The following TNFSF13B variants were observed in gnomAD, a reference collection of about 807,000 sequenced individuals.
The protein encoded by TNFSF13B is TNF superfamily member 13b.
A neutral mutation model predicts 29.1 loss-of-function variants in TNFSF13B; 8 were observed. The ratio of observed to expected loss-of-function variants is 0.27; its 90% CI spans 0.16 to 0.50. The LOEUF (loss-of-function observed/expected upper bound fraction) is 0.50, where lower values mean the gene tolerates loss of function less well. Among genes scored for constraint, TNFSF13B ranks in the 20% least tolerant of loss-of-function variants. The pLI, the probability that TNFSF13B is intolerant of heterozygous loss-of-function variation, is 0.98. For missense variants in TNFSF13B, 248 were observed against 334.9 expected, an observed-to-expected ratio of 0.74 and a Z score of 2.03; for synonymous variants, 125 against 130.8, an observed-to-expected ratio of 0.96 and a Z score of 0.30.
intron 2 of TNFSF13B, among the ~76,000 whole-genome samples, chr13:108,279,031 G>C (rs1183385899): frequency 2.0e-5 from 3 of 152,122 alleles, no homozygotes; most frequent in African/African-American, 7.2e-5. Context: ...TATTATGAGA[G>C]AGTCCACAAT....
rs1266847830 is a variant in TNFSF13B, at chr13:108,307,843, T to C, written c.*905T>C. The C allele has an allele frequency of 6.6e-6, 1 of 152,098 alleles. No individual in the cohort carries two copies. Among genetic ancestry groups the C allele is most frequent in the Non-Finnish European group, 1.5e-5 (1 of 67,964 alleles). 9.4% of individuals were successfully genotyped at this position (152,098 alleles called of 1,614,324 possible). A position where few individuals can be genotyped will look rare whatever the true frequency, so the allele number is the denominator to read the frequency against. ...CTTCTGTTTCAAACTGCTGCTATTG[T>C]AGTTTACATATCCCAACCTTTAAAA... On this transcript the variant is annotated 3_prime_UTR_variant, in exon 6 of 6. Transcript: ENST00000375887.
chr13:108,271,769 C>G (rs1880624110), intron 2 of TNFSF13B, among the ~76,000 whole-genome samples: 2 of 151,840 alleles, frequency 1.3e-5, no homozygotes, highest in African/African-American at 4.8e-5. Flanking sequence ...TTTGTTTTGA[C>G]TTATACAATA....
intron 3 of TNFSF13B, among the ~76,000 whole-genome samples, chr13:108,299,305 G>A (rs1039588309): frequency 1.4e-5 from 2 of 145,160 alleles, no homozygotes; most frequent in African/African-American, 2.6e-5. Context: ...CCGCTGAGTA[G>A]TTCATAATTT....
chr13:108,282,020 G>A (rs532876131), intron 2 of TNFSF13B, among the ~76,000 whole-genome samples: 1 of 152,100 alleles, frequency 6.6e-6, no homozygotes, highest in East Asian at 1.9e-4. Context: ...TTTACCAAAT[G>A]ATAAGTTTTG....
chr13:108,274,102 A>G (rs1202053703), intron 2 of TNFSF13B, among the ~76,000 whole-genome samples: 1 of 152,132 alleles, frequency 6.6e-6, no homozygotes, highest in Non-Finnish European at 1.5e-5. Flanking sequence ...ACTACATAAT[A>G]CATATAATTT....
In TNFSF13B at chr13:108,269,979, T is replaced by G. The variant is rs1309582279; in HGVS notation, c.84T>G (p.Val28=). 6.2e-7 allele frequency: 1 copy of G among 1,613,552 alleles called. No individual in the cohort carries two copies. Among genetic ancestry groups the G allele is most frequent in the Non-Finnish European group, 8.5e-7 (1 of 1,180,028 alleles). ...AAGAAATGAAACTGAAGGAGTGTGTTTCCATCCTCCCACGGAAGGAAAGCC... is the reference window on the plus strand; with the variant it reads ...AAGAAATGAAACTGAAGGAGTGTGTGTCCATCCTCCCACGGAAGGAAAGCC... ...KREEMKLKEC[V]SILPRKESPS... Residue 28 remains valine, a synonymous_variant, in exon 1 of 6, where the codon GTT becomes GTG. Transcript: ENST00000375887.
At chr13:108,273,443 T>C (rs1446771922) in intron 2 of TNFSF13B, among the ~76,000 whole-genome samples, 1 of 152,138 alleles carries the variant, frequency 6.6e-6, no homozygotes, top group Non-Finnish European at 1.5e-5. Context: ...TCAAAACATA[T>C]GCATACAAAC....
chr13:108,274,370 TA>T (rs1880705965), intron 2 of TNFSF13B, among the ~76,000 whole-genome samples: 1 of 137,528 alleles, frequency 7.3e-6, no homozygotes. Flanking sequence ...CATACAAATA[TA>T]TATATATATA....
chr13:108,295,783 A>G lies in TNFSF13B; in HGVS notation c.482-7470A>G, dbSNP rs572682201. Among the ~76,000 whole-genome samples, 4 of 145,624 alleles carry G rather than the reference A, an allele frequency of 2.7e-5. No homozygotes were observed. In the East Asian group the frequency reaches 7.8e-4, roughly 28 times the overall value. On this transcript the variant is annotated intron_variant, in intron 3 of 5. Coordinates refer to ENST00000375887, the MANE Select transcript of TNFSF13B (RefSeq NM_006573.5). ...TTCTATTTTCTTCTAGGATTTATTT[A>G]TAGATCAATTTGTTGTTTAAGAATT... is the stretch of plus-strand genomic sequence containing the variant.
intron 3 of TNFSF13B, among the ~76,000 whole-genome samples, chr13:108,299,454 G>A (rs1881550092): frequency 9.2e-6 from 1 of 109,228 alleles, no homozygotes; most frequent in Non-Finnish European, 2.1e-5. Flanking sequence ...GACTGCAGTT[G>A]TTCACTTGTT....
intron 2 of TNFSF13B, among the ~76,000 whole-genome samples, chr13:108,271,488 ACG>A: frequency 1.4e-5 from 2 of 140,198 alleles, no homozygotes; most frequent in African/African-American, 2.6e-5. Context: ...ACACACACAC[ACG>A]CATGAGGTAC....
At chr13:108,274,944 T>C (rs2139041885) in intron 2 of TNFSF13B, among the ~76,000 whole-genome samples, 1 of 152,280 alleles carries the variant, frequency 6.6e-6, no homozygotes, top group African/African-American at 2.4e-5. Context: ...TAAACAGTGG[T>C]TTTACTTAAT....
At chr13:108,302,569 G>GTCTTCTCTC (rs1021798244) in intron 3 of TNFSF13B, among the ~76,000 whole-genome samples, 1 of 152,112 alleles carries the variant, frequency 6.6e-6, no homozygotes, top group African/African-American at 2.4e-5. Context: ...GATGGCTACT[G>GTCTTCTCTC]TCTTCTCTCT....
At position 108,270,380 on chromosome 13, in the gene TNFSF13B, A is replaced by C. The variant is rs752633868; in HGVS notation, c.380A>C (p.Gln127Pro). 1 of 1,614,156 alleles carries C rather than the reference A, an allele frequency of 6.2e-7. No individual in the cohort carries two copies. The highest frequency in any genetic ancestry group is 8.5e-7 in the Non-Finnish European group (1 of 1,179,984). Residue 127 changes from glutamine to proline, a missense_variant, in exon 2 of 6, where the codon CAG becomes CCG. Coordinates refer to ENST00000375887, the MANE Select transcript of TNFSF13B (RefSeq NM_006573.5). ...GCTCCAGGAGAAGGCAACTCCAGTC[A>C]GAACAGCAGAAATAAGCGTGCCGTT... ...PPAPGEGNSS[Q>P]NSRNKRAVQG...
At chr13:108,299,925 G>A (rs1239336302) in intron 3 of TNFSF13B, among the ~76,000 whole-genome samples, 1 of 152,064 alleles carries the variant, frequency 6.6e-6, no homozygotes, top group Non-Finnish European at 1.5e-5. Flanking sequence ...GACCTACTAA[G>A]TATTTGTTTT....
chr13:108,305,882 G>A (rs1881761902), intron 5 of TNFSF13B, among the ~76,000 whole-genome samples: 1 of 152,096 alleles, frequency 6.6e-6, no homozygotes, highest in Admixed American at 6.6e-5. Flanking sequence ...GGTTAGAATA[G>A]ACATGAACAT....
At chr13:108,297,405 T>G (rs1303719212) in intron 3 of TNFSF13B, among the ~76,000 whole-genome samples, 1 of 145,756 alleles carries the variant, frequency 6.9e-6, no homozygotes, top group Non-Finnish European at 1.5e-5. Context: ...AGCTTGATTT[T>G]AAGAAGTCTT....
At chr13:108,270,305 G>C (rs1280052110) in intron 1 of TNFSF13B, 35 bp from the exon 2 acceptor site, 3 of 1,613,836 alleles carry the variant, frequency 1.9e-6, no homozygotes, top group Non-Finnish European at 2.5e-6. Flanking sequence ...CGCCTCAGCT[G>C]TCTTTCTAAT....
chr13:108,289,844 G>A (rs1881256819), intron 3 of TNFSF13B, among the ~76,000 whole-genome samples: 1 of 151,890 alleles, frequency 6.6e-6, no homozygotes, highest in Non-Finnish European at 1.5e-5. Context: ...CTTCACAAAA[G>A]AGAAAAAGAC....
Sources: allele counts gnomAD v4.1 joint callset (sites outside exome capture counted in the v4.1 genomes callset), GRCh38; gene constraint gnomAD v4.1.1; transcripts MANE v1.5; gene names NCBI Gene and HGNC (gene_info 2026-07-23, HGNC 2026-07-21).